The following PTPRD variants were observed in gnomAD, a reference collection of about 807,000 sequenced individuals.
PTPRD encodes the protein protein tyrosine phosphatase receptor type D.
Under a neutral mutation model 214.5 loss-of-function variants are expected in PTPRD, and 34 were observed. The ratio of observed to expected loss-of-function variants is 0.16; its 90% confidence interval spans 0.12 to 0.21. The LOEUF is 0.21. PTPRD is among the 10% of genes least tolerant of loss of function. PTPRD has a pLI of 1.00. For missense variants in PTPRD, 2,545 were observed against 2,398.7 expected, an observed-to-expected ratio of 1.06 and a Z score of -1.27; for synonymous variants, 1,128 against 845.7, an observed-to-expected ratio of 1.33 and a Z score of -5.79.
intron 11 of PTPRD, among the ~76,000 whole-genome samples, chr9:8,912,054 T>C (rs901940191): frequency 4.6e-5 from 7 of 152,164 alleles, no homozygotes; most frequent in African/African-American, 7.2e-5. Context: ...ACATTACTAG[T>C]GGTAGTGAAA....
At chr9:8,399,294 G>A (rs932715777) in intron 36 of PTPRD, among the ~76,000 whole-genome samples, 1 of 152,100 alleles carries the variant, frequency 6.6e-6, no homozygotes, top group Non-Finnish European at 1.5e-5. Context: ...TTCCTAAACT[G>A]GAGAATGGGC....
At chr9:9,754,232 A>G (rs1263713610) in intron 6 of PTPRD, among the ~76,000 whole-genome samples, 2 of 152,078 alleles carry the variant, frequency 1.3e-5, no homozygotes, top group African/African-American at 4.8e-5. Flanking sequence ...ACTATCTTTA[A>G]TATGACTTCC....
chr9:9,026,140 T>C (rs1286632110), intron 10 of PTPRD, among the ~76,000 whole-genome samples: 2 of 145,416 alleles, frequency 1.4e-5, no homozygotes, highest in African/African-American at 2.5e-5. Flanking sequence ...CTTATAGAGA[T>C]GGCTGATAAT....
intron 11 of PTPRD, among the ~76,000 whole-genome samples, chr9:8,862,597 C>A (rs1220986152): frequency 6.6e-6 from 1 of 152,132 alleles, no homozygotes. Flanking sequence ...AGATTCTTTA[C>A]AAACAAGTGG....
At chr9:8,857,334 C>G (rs139602447) in intron 11 of PTPRD, among the ~76,000 whole-genome samples, 1,536 of 152,268 alleles carry the variant, frequency 0.01, 28 homozygotes, top group African/African-American at 0.035. Flanking sequence ...TACGCCCACC[C>G]TAGGAGGAGA....
chr9:9,791,871 G>A (rs1448646777), intron 5 of PTPRD, among the ~76,000 whole-genome samples: 2 of 152,098 alleles, frequency 1.3e-5, no homozygotes, highest in Non-Finnish European at 2.9e-5. Context: ...TATCTTGTAA[G>A]AATTTTCTTA....
intron 2 of PTPRD, among the ~76,000 whole-genome samples, chr9:10,391,179 T>C (rs2098055980): frequency 6.6e-6 from 1 of 151,764 alleles, no homozygotes; most frequent in South Asian, 2.1e-4. Context: ...TCTTTTTAGG[T>C]ATCTTAAAAA....
chr9:8,975,143 T>TTTGA (rs2099261528), intron 11 of PTPRD, among the ~76,000 whole-genome samples: 1 of 150,980 alleles, frequency 6.6e-6, no homozygotes, highest in South Asian at 2.1e-4. Flanking sequence ...ATCAAAGTAG[T>TTTGA]TTGATAACAT....
At chr9:8,724,535 G>A (rs1473221885) in intron 12 of PTPRD, among the ~76,000 whole-genome samples, 2 of 152,116 alleles carry the variant, frequency 1.3e-5, no homozygotes, top group Non-Finnish European at 1.5e-5. Context: ...AGTTGTAAAT[G>A]TCTTCCTATA....
chr9:9,175,043 C>T (rs994463788), intron 10 of PTPRD, among the ~76,000 whole-genome samples: 1 of 151,952 alleles, frequency 6.6e-6, no homozygotes, highest in Non-Finnish European at 1.5e-5. Context: ...GCCAGAAGAC[C>T]CCATCTATGA....
At chr9:9,432,879 A>G (rs921732794) in intron 8 of PTPRD, among the ~76,000 whole-genome samples, 1 of 152,220 alleles carries the variant, frequency 6.6e-6, no homozygotes, top group African/African-American at 2.4e-5. Flanking sequence ...GTGGAGTTTT[A>G]GAGGGATCAG....
At position 10,140,730 on chromosome 9, in the gene PTPRD, T is replaced by C. The variant is rs529514813; in HGVS notation, c.-544-106940A>G. 3.7e-4 allele frequency among the ~76,000 whole-genome samples: 57 copies of C among 152,032 alleles called. 1 individual carries two copies. The South Asian group carries it at 0.012, about 32-fold the overall frequency. Reference sequence around the variant, plus strand: ...TCCAATCAATAGAAAAAAAAGGGAATCCTCCCTAACTCATTTTATGAGGCC... The same window carrying C: ...TCCAATCAATAGAAAAAAAAGGGAACCCTCCCTAACTCATTTTATGAGGCC... On this transcript the variant is annotated intron_variant, in intron 3 of 45. Coordinates refer to ENST00000381196, the MANE Select transcript of PTPRD (RefSeq NM_002839.4).
At chr9:8,632,832 T>A (rs759991571) in intron 14 of PTPRD, among the ~76,000 whole-genome samples, 4 of 152,022 alleles carry the variant, frequency 2.6e-5, no homozygotes, top group Non-Finnish European at 4.4e-5. Flanking sequence ...AAATGTATTT[T>A]TTTTCACATA....
chr9:9,873,415 A>T (rs1251392446), intron 5 of PTPRD, among the ~76,000 whole-genome samples: 1 of 152,126 alleles, frequency 6.6e-6, no homozygotes, highest in Non-Finnish European at 1.5e-5. Context: ...TTACAAAAAA[A>T]AATAATTATC....
intron 3 of PTPRD, among the ~76,000 whole-genome samples, chr9:10,065,994 T>G (rs2097873907): frequency 1.3e-5 from 2 of 151,932 alleles, no homozygotes; most frequent in Non-Finnish European, 2.9e-5. Flanking sequence ...TAGCTAAATT[T>G]TATCATTCAC....
chr9:8,978,161 T>C (rs1278070774), intron 11 of PTPRD, among the ~76,000 whole-genome samples: 2 of 152,024 alleles, frequency 1.3e-5, no homozygotes, highest in Non-Finnish European at 2.9e-5. Flanking sequence ...ACGTAAATTT[T>C]GGGGAAGGGA....
intron 4 of PTPRD, among the ~76,000 whole-genome samples, chr9:9,961,342 T>C (rs1566754169): frequency 2.0e-5 from 3 of 152,260 alleles, no homozygotes; most frequent in Admixed American, 6.5e-5. Flanking sequence ...TGAGAAACAA[T>C]AGGCAATGTA....
intron 6 of PTPRD, among the ~76,000 whole-genome samples, chr9:9,742,042 C>T (rs1338197016): frequency 6.6e-6 from 1 of 152,152 alleles, no homozygotes; most frequent in Non-Finnish European, 1.5e-5. Flanking sequence ...CTGTCTTCAA[C>T]AATGGTTGAA....
intron 12 of PTPRD, among the ~76,000 whole-genome samples, chr9:8,732,835 G>C (rs932640940): frequency 3.9e-5 from 6 of 152,130 alleles, no homozygotes; most frequent in South Asian, 2.1e-4. Context: ...ACTTGTCTTG[G>C]AAACATCCTT....
Sources: allele counts gnomAD v4.1 joint callset (sites outside exome capture counted in the v4.1 genomes callset), GRCh38; gene constraint gnomAD v4.1.1; transcripts MANE v1.5; gene names NCBI Gene and HGNC (gene_info 2026-07-23, HGNC 2026-07-21).